Variants in PTCH1 observed in about 807,000 individuals in gnomAD.
The protein encoded by PTCH1 is protein patched homolog 1.
PTCH1 carries 14 observed loss-of-function variants against 144.6 expected under a neutral mutation model. The ratio of observed to expected loss-of-function variants is 0.10; its 90% CI spans 0.06 to 0.15. The LOEUF (loss-of-function observed/expected upper bound fraction) is 0.15. Among genes scored for constraint, PTCH1 ranks in the 10% least tolerant of loss-of-function variants. PTCH1 has a pLI of 1.00. For missense variants in PTCH1, 1,623 were observed against 1,948.3 expected (o/e 0.83, Z 3.14); for synonymous variants, 833 against 793.6 (o/e 1.05, Z -0.83).
chr9:95,506,881 A>G, intron 1 of PTCH1: 1 of 1,155,142 alleles, frequency 8.7e-7, no homozygotes, highest in South Asian at 4.0e-5. Flanking sequence ...GCTGCAATAC[A>G]GAAGAGGAAG....
chr9:95,458,237 G>T lies in PTCH1; in HGVS notation c.2944C>A (p.Arg982=), dbSNP rs867973996. 6.2e-7 allele frequency: 1 copy of T among 1,613,910 alleles called. No individual in the cohort carries two copies. Residue 982 remains arginine, a synonymous_variant, in exon 18 of 24, where the codon CGG becomes AGG. Transcript: ENST00000331920. This position sits in a 1 kb window ranked among gnomAD's most constrained non-coding sequence, Gnocchi z 4.7. ...GCCTCCACAAAGTCTGAGGTGTCCC[G>T]CAAGCCGTTGAGGTAGAAAGGGAAC... ...AQFPFYLNGL[R]DTSDFVEAIE... is the part of the protein sequence containing the mutation.
chr9:95,457,851 C>T (rs962005581), intron 18 of PTCH1, among the ~76,000 whole-genome samples, 162 bp downstream of exon 18: 2 of 152,180 alleles, frequency 1.3e-5, no homozygotes, highest in African/African-American at 4.8e-5. Context: ...GAGGTTCTAC[C>T]TTAACCATGG....
chr9:95,446,805 G>T (rs766147628), intron 23 of PTCH1, 106 bp downstream of exon 23: 1 of 1,455,956 alleles, frequency 6.9e-7, no homozygotes, highest in Non-Finnish European at 9.5e-7. Context: ...CGTGGGATGT[G>T]CCCGAGCGCC....
At chr9:95,505,922 G>C (rs1260709667) in intron 2 of PTCH1, among the ~76,000 whole-genome samples, 1 of 144,822 alleles carries the variant, frequency 6.9e-6, no homozygotes, top group East Asian at 2.1e-4. Context: ...CGCGGCCGCC[G>C]GGGGCGCGCA....
At chr9:95,459,561 T>C (rs1839267920) in intron 17 of PTCH1, 39 bp downstream of exon 17, 1 of 1,610,784 alleles carries the variant, frequency 6.2e-7, no homozygotes, top group Admixed American at 1.7e-5. Context: ...GGAAGGCACC[T>C]CTGTAAGTTC....
intron 2 of PTCH1, among the ~76,000 whole-genome samples, chr9:95,490,618 A>C (rs1842331078): frequency 6.8e-6 from 1 of 148,090 alleles, no homozygotes; most frequent in Non-Finnish European, 1.5e-5. Context: ...AACTCAATGC[A>C]AAAAAAAATA....
intron 2 of PTCH1, among the ~76,000 whole-genome samples, chr9:95,490,201 T>C (rs1359149389): frequency 6.6e-6 from 1 of 150,826 alleles, no homozygotes; most frequent in Non-Finnish European, 1.5e-5. Flanking sequence ...TGGTTGGACA[T>C]GGTGGCTCAT....
Position 95,447,025 on chromosome 9 carries a change from C to T in PTCH1, c.4231G>A (p.Asp1411Asn), listed in dbSNP as rs759892989. 1 of 1,614,212 alleles carries T rather than the reference C, an allele frequency of 6.2e-7. No individual in the cohort carries two copies. The highest frequency in any genetic ancestry group is 1.1e-5 in the South Asian group (1 of 91,092). Residue 1411 changes from aspartate to asparagine, a missense_variant, in exon 23 of 24, where the codon GAC becomes AAC. By Grantham distance (23) the Asp-to-Asn change is conservative. This residue lies in a region of PTCH1 where 291 missense variants were observed against 287.4 expected (regional missense o/e 1.01). Transcript: ENST00000331920. Reference sequence around the variant, plus strand: ...CGGACGTGGAAAGGCACGTGGGGGTCCTCAAACAGGCCGTGGTCAGTCTCA... The same window carrying T: ...CGGACGTGGAAAGGCACGTGGGGGTTCTCAAACAGGCCGTGGTCAGTCTCA... The part of the protein sequence containing the change: ...YPETDHGLFE[D>N]PHVPFHVRCE...
In PTCH1 at chr9:95,476,135, G is replaced by A. The variant is rs137903539; in HGVS notation, c.1627C>T (p.Arg543Cys). 1.9e-6 allele frequency: 3 copies of A among 1,613,108 alleles called. No individual in the cohort carries two copies. Among genetic ancestry groups the A allele is most frequent in the Admixed American group, 1.7e-5 (1 of 59,928 alleles). The change falls in exon 12 of 24, where the codon CGC becomes TGC. Residue 543 changes from arginine to cysteine, a missense_variant. By Grantham distance (180) the Arg-to-Cys change is radical. This residue lies in a region of PTCH1 where 135 missense variants were observed against 228.7 expected (regional missense o/e 0.59). Coordinates refer to ENST00000331920, the MANE Select transcript of PTCH1 (RefSeq NM_000264.5). This position sits in a 1 kb window ranked among gnomAD's most constrained non-coding sequence, Gnocchi z 4.6. The part of the protein sequence containing the change: ...FEDRTGECLK[R>C]TGASVALTSI... ...GTGAGGGCCACGCTGGCTCCTGTGCGCTTCAGGCACTCCCCGGTCCTGTCC... is the reference window on the plus strand; with the variant it reads ...GTGAGGGCCACGCTGGCTCCTGTGCACTTCAGGCACTCCCCGGTCCTGTCC...
chr9:95,449,694 C>A lies in PTCH1; in HGVS notation c.3549+147G>T, dbSNP rs1444662631. On this transcript the variant is annotated intron_variant, in intron 21 of 23. Coordinates refer to ENST00000331920, the MANE Select transcript of PTCH1 (RefSeq NM_000264.5). The surrounding 1 kb of genome is among the most constrained non-coding windows in gnomAD (Gnocchi z 5.3). Reference sequence around the variant, plus strand: ...CCTCTAGCCCTCAAAGCCAGTACACCGAAGAGGAAAACAGACATGACTCTG... The same window carrying A: ...CCTCTAGCCCTCAAAGCCAGTACACAGAAGAGGAAAACAGACATGACTCTG... 6.9e-6 allele frequency: 6 copies of A among 866,298 alleles called. No homozygotes were observed. Among genetic ancestry groups the A allele is most frequent in the Non-Finnish European group, 1.1e-5 (6 of 529,944 alleles). 53.7% of individuals were successfully genotyped at this position (866,298 alleles called of 1,614,324 possible).
chr9:95,462,729 C>T (rs1202560804), intron 15 of PTCH1, among the ~76,000 whole-genome samples: 1 of 152,168 alleles, frequency 6.6e-6, no homozygotes, highest in Admixed American at 6.5e-5. Flanking sequence ...CAGGCCAATA[C>T]AAGGAGGCTC....
intron 2 of PTCH1, among the ~76,000 whole-genome samples, chr9:95,501,088 GC>G (rs1843118056): frequency 6.6e-6 from 1 of 152,176 alleles, no homozygotes; most frequent in African/African-American, 2.4e-5. Context: ...ATGCATTGTA[GC>G]CACAACTCCA....
chr9:95,510,865 G>A (rs1229195284), upstream of PTCH1, among the ~76,000 whole-genome samples: 2 of 151,132 alleles, frequency 1.3e-5, no homozygotes, highest in Non-Finnish European at 3.0e-5. Flanking sequence ...GCGCGCGCCC[G>A]GCTCCCGGAC....
At chr9:95,455,041 T>A (rs1340569208) in intron 19 of PTCH1, among the ~76,000 whole-genome samples, 2 of 152,230 alleles carry the variant, frequency 1.3e-5, no homozygotes, top group African/African-American at 4.8e-5. Flanking sequence ...ATTGGAATTA[T>A]GGGTTTTCTA....
rs1173768483 is a variant in PTCH1, at chr9:95,459,867, T to G, written c.2704-84A>C. 4.9e-6 allele frequency: 7 copies of G among 1,425,840 alleles called. No homozygotes were observed. In the African/African-American group the frequency reaches 5.6e-5, roughly 11 times the overall value. The allele number at this position is 1,425,840 out of a possible 1,614,324, so 88.3% of individuals were successfully genotyped here. A position where few individuals can be genotyped will look rare whatever the true frequency, so the allele number is the denominator to read the frequency against. ...TGCCTTGAGAGCACAGAAGCTGAGCTTCGCACAGCATTACAACAAAGAATA... is the reference window on the plus strand; with the variant it reads ...TGCCTTGAGAGCACAGAAGCTGAGCGTCGCACAGCATTACAACAAAGAATA... On this transcript the variant is annotated intron_variant, in intron 16 of 23. Coordinates refer to ENST00000331920, the MANE Select transcript of PTCH1 (RefSeq NM_000264.5).
At position 95,508,375 on chromosome 9, in the gene PTCH1, C is replaced by A. The variant is rs1057523782; in HGVS notation, c.-14G>T. ...AGCCGAGGCCATGTTGCCGCCGCCG[C>A]CGCCGCCGCCGCGGGGACGGAGGCT... On this transcript the variant is annotated 5_prime_UTR_variant, in exon 1 of 24. Coordinates refer to ENST00000331920, the MANE Select transcript of PTCH1 (RefSeq NM_000264.5). The A allele has an allele frequency of 2.6e-6, 3 of 1,157,804 alleles. No homozygotes were observed. Among genetic ancestry groups the A allele is most frequent in the Non-Finnish European group, 3.2e-6 (3 of 943,036 alleles). 71.7% of individuals were successfully genotyped at this position (1,157,804 alleles called of 1,614,324 possible). A position where few individuals can be genotyped will look rare whatever the true frequency, so the allele number is the denominator to read the frequency against.
rs1375768497 is a variant in PTCH1, at chr9:95,443,905, T to C, written c.*2488A>G. On this transcript the variant is annotated 3_prime_UTR_variant, in exon 24 of 24. Coordinates refer to ENST00000331920, the MANE Select transcript of PTCH1 (RefSeq NM_000264.5). ...TACCCTAAAACCTACCATGAGTCCT[T>C]AATGTAAATGTTATATACTCTGAAC... The C allele has an allele frequency of 6.6e-6, 1 of 152,616 alleles. No homozygotes were observed. The highest frequency in any genetic ancestry group is 1.5e-5 in the Non-Finnish European group (1 of 68,028). 9.5% of individuals were successfully genotyped at this position (152,616 alleles called of 1,614,324 possible). A position where few individuals can be genotyped will look rare whatever the true frequency, so the allele number is the denominator to read the frequency against.
chr9:95,461,212 A>T (rs1258981481), intron 16 of PTCH1, among the ~76,000 whole-genome samples: 1 of 152,102 alleles, frequency 6.6e-6, no homozygotes, highest in Non-Finnish European at 1.5e-5. Context: ...GAAGATGCAA[A>T]CACAAGTGGA....
intron 15 of PTCH1, among the ~76,000 whole-genome samples, chr9:95,465,825 T>G (rs1283678578): frequency 2.0e-5 from 3 of 152,230 alleles, no homozygotes; most frequent in Non-Finnish European, 4.4e-5. Context: ...GATTTGGTAC[T>G]CCAGTAAAAG....
Sources: allele counts gnomAD v4.1 joint callset (sites outside exome capture counted in the v4.1 genomes callset), GRCh38; gene constraint gnomAD v4.1.1; regional missense constraint gnomAD v4.1.1; non-coding constraint Gnocchi (gnomAD v3.1); transcripts MANE v1.5; gene names NCBI Gene and HGNC (gene_info 2026-07-23, HGNC 2026-07-21).